AMD1: variants seen among roughly 807,000 people sequenced by gnomAD.
AMD1 encodes S-adenosylmethionine decarboxylase proenzyme.
Under a neutral mutation model 40.2 loss-of-function variants are expected in AMD1, and 11 were observed. That is an observed-to-expected ratio of 0.27 (90% CI 0.17 to 0.45). AMD1 has a LOEUF of 0.45. Ranked by LOEUF, AMD1 falls within the 20% of genes least tolerant of loss-of-function variation. The pLI, the probability that AMD1 is intolerant of heterozygous loss-of-function variation, is 1.00. For synonymous variants in AMD1, 121 were observed against 130.8 expected (o/e 0.93, Z 0.51); for missense variants, 257 against 410.2 (o/e 0.63, Z 3.23).
chr6:110,883,789 G>T (rs1053952533), intron 1 of AMD1, among the ~76,000 whole-genome samples: 1 of 151,964 alleles, frequency 6.6e-6, no homozygotes, highest in African/African-American at 2.4e-5. Flanking sequence ...AGTAGAGACG[G>T]GGTTTCACCT....
intron 1 of AMD1, among the ~76,000 whole-genome samples, chr6:110,884,760 C>G (rs1410190774): frequency 6.6e-6 from 1 of 152,140 alleles, no homozygotes. Context: ...AAGACTGTTA[C>G]ACTGTTTAGT....
At chr6:110,821,894 A>G in the AMD1 span, among the ~76,000 whole-genome samples, 5 of 152,338 alleles carry the variant, frequency 3.3e-5, no homozygotes, top group African/African-American at 7.2e-5. Context: ...ACAACCTAAC[A>G]TCATACCTCC....
chr6:110,816,772 A>G, the AMD1 span, among the ~76,000 whole-genome samples: 1,441 of 152,188 alleles, frequency 9.5e-3, 22 homozygotes, highest in African/African-American at 0.033. Context: ...TTTTGTTTTG[A>G]AGAGACTGGC....
chr6:110,858,818 AAGAACC>A, the AMD1 span: 2 of 774,018 alleles, frequency 2.6e-6, no homozygotes. Context: ...CTACGACCCC[AAGAACC>A]ACATCCTGCC....
At chr6:110,841,730 A>G in the AMD1 span, among the ~76,000 whole-genome samples, 3 of 148,268 alleles carry the variant, frequency 2.0e-5, no homozygotes, top group African/African-American at 4.9e-5. Flanking sequence ...CCATGCCCCC[A>G]TTAAAAAAAA....
At chr6:110,842,082 C>T in the AMD1 span, among the ~76,000 whole-genome samples, 3 of 152,060 alleles carry the variant, frequency 2.0e-5, no homozygotes, top group South Asian at 6.2e-4. Context: ...GGATTATATG[C>T]ATGAGCCATC....
chr6:110,892,156 A>G lies in AMD1; in HGVS notation c.428-5A>G, dbSNP rs1786059817. 6.2e-7 allele frequency: 1 copy of G among 1,613,450 alleles called. No individual in the cohort carries two copies. The highest frequency in any genetic ancestry group is 1.3e-5 in the African/African-American group (1 of 74,938). On this transcript the variant is annotated splice_polypyrimidine_tract_variant and splice_region_variant and intron_variant, in intron 4 of 8. Transcript: ENST00000368885. Reference sequence around the variant, plus strand: ...TATTTATTTTGCGTTCTCTTCCCTCAACAGATGGAGCAGCATATTGTATGG... The same window carrying G: ...TATTTATTTTGCGTTCTCTTCCCTCGACAGATGGAGCAGCATATTGTATGG...
chr6:110,818,266 A>G, the AMD1 span, among the ~76,000 whole-genome samples: 11 of 152,166 alleles, frequency 7.2e-5, no homozygotes, highest in African/African-American at 2.7e-4. Context: ...AATCAGGAGC[A>G]GTTGCAAGTA....
Position 110,892,334 on chromosome 6 carries a change from T to C in AMD1, c.506T>C (p.Val169Ala), listed in dbSNP as rs1786071315. The C allele has an allele frequency of 1.9e-6, 3 of 1,613,626 alleles. No individual in the cohort carries two copies. Among genetic ancestry groups the C allele is most frequent in the Non-Finnish European group, 2.5e-6 (3 of 1,180,034 alleles). ...LYTLDFPESR[V>A]ISQPDQTLEI... is the part of the protein sequence containing the mutation. ...ACTCTGGATTTCCCAGAGAGTCGGG[T>C]AATCAGTCAGCCAGATCAAACCTTG... Residue 169 changes from valine (V) to alanine (A), a missense_variant, in exon 6 of 9, where the codon GTA becomes GCA. This residue lies in a region of AMD1 where 192 missense variants were observed against 296.5 expected (regional missense o/e 0.65). Transcript: ENST00000368885.
At chr6:110,857,548 A>G in the AMD1 span, among the ~76,000 whole-genome samples, 4 of 148,770 alleles carry the variant, frequency 2.7e-5, no homozygotes, top group African/African-American at 9.8e-5. Flanking sequence ...AAAGTTATAT[A>G]TATATAGATG....
intron 5 of AMD1, 33 bp downstream of exon 5, chr6:110,892,236 G>T: frequency 1.2e-6 from 2 of 1,613,688 alleles, no homozygotes; most frequent in Non-Finnish European, 1.7e-6. Flanking sequence ...GATTTTTGTT[G>T]TCCTATGTAA....
chr6:110,816,373 T>C, the AMD1 span, among the ~76,000 whole-genome samples: 5 of 152,188 alleles, frequency 3.3e-5, no homozygotes, highest in African/African-American at 1.2e-4. Context: ...GAACGTTGAT[T>C]GATTTCATTG....
the AMD1 span, chr6:110,858,320 C>A: frequency 1.3e-6 from 1 of 780,864 alleles, no homozygotes; most frequent in South Asian, 1.4e-5. Flanking sequence ...CAAATATGAC[C>A]CCCAGAAGGA....
chr6:110,835,231 G>A, the AMD1 span, among the ~76,000 whole-genome samples: 15 of 150,904 alleles, frequency 9.9e-5, 1 homozygote, highest in South Asian at 3.0e-3. Context: ...TATTAGCCAG[G>A]ATGGTCTCAA....
chr6:110,893,660 A>C lies in AMD1; in HGVS notation c.*44A>C, dbSNP rs765085737. 6.3e-7 allele frequency: 1 copy of C among 1,597,650 alleles called. No individual in the cohort carries two copies. The highest frequency in any genetic ancestry group is 1.7e-5 in the Admixed American group (1 of 59,520). Reference sequence around the variant, plus strand: ...AAACGCAAAAAGAGAACACATGTAGAAGGTGGTGGATGCTTTCTAGATGTC... The same window carrying C: ...AAACGCAAAAAGAGAACACATGTAGCAGGTGGTGGATGCTTTCTAGATGTC... On this transcript the variant is annotated 3_prime_UTR_variant, in exon 9 of 9. Transcript: ENST00000368885.
the AMD1 span, among the ~76,000 whole-genome samples, chr6:110,853,785 T>C: frequency 6.6e-6 from 1 of 152,166 alleles, no homozygotes. Context: ...GAACTAACAG[T>C]TGAAGCTAGG....
chr6:110,879,252 G>A (rs1270938920), intron 1 of AMD1, among the ~76,000 whole-genome samples: 1 of 152,202 alleles, frequency 6.6e-6, no homozygotes, highest in East Asian at 1.9e-4. Flanking sequence ...TCGGGAAGCT[G>A]AGGTGGGAGG....
the AMD1 span, among the ~76,000 whole-genome samples, chr6:110,855,065 C>CTCTTTTTTTTTTTTTT: frequency 1.2e-5 from 1 of 80,446 alleles, no homozygotes; most frequent in Non-Finnish European, 2.3e-5. Flanking sequence ...CTCTCTCTCT[C>CTCTTTTTTTTTTTTTT]TTTTTTTTTT....
the AMD1 span, among the ~76,000 whole-genome samples, chr6:110,836,115 T>A: frequency 1.3e-5 from 2 of 151,278 alleles, no homozygotes; most frequent in Admixed American, 6.6e-5. Flanking sequence ...AAGATAAACC[T>A]ATATAATCTT....
Sources: allele counts gnomAD v4.1 joint callset (sites outside exome capture counted in the v4.1 genomes callset), GRCh38; gene constraint gnomAD v4.1.1; regional missense constraint gnomAD v4.1.1; transcripts MANE v1.5; gene names NCBI Gene and HGNC (gene_info 2026-07-23, HGNC 2026-07-21).